TGM1: variants seen among roughly 807,000 people sequenced by gnomAD.
TGM1 encodes transglutaminase 1, also known as protein-glutamine gamma-glutamyltransferase K.
TGM1 carries 63 observed loss-of-function variants against 88.7 expected under a neutral mutation model. The ratio of observed to expected loss-of-function variants is 0.71; its 90% CI spans 0.58 to 0.88. The LOEUF (loss-of-function observed/expected upper bound fraction) is 0.88, where lower values mean the gene tolerates loss of function less well. TGM1 is among the 40% of genes least tolerant of loss of function. TGM1 has a pLI of 0.00. For missense variants in TGM1, 996 were observed against 1,118.0 expected, an observed-to-expected ratio of 0.89 and a Z score of 1.56; for synonymous variants, 415 against 431.1, an observed-to-expected ratio of 0.96 and a Z score of 0.46.
rs2040778087 is a variant in TGM1, at chr14:24,258,613, G to A, written c.1220C>T (p.Thr407Ile). Residue 407 changes from threonine to isoleucine, a missense_variant, in exon 8 of 15, where the codon ACA becomes ATA. By Grantham distance (89) the Thr-to-Ile change is moderately conservative. Transcript: ENST00000206765. ...GATGTCCATGGTAAGGGATGTGTCT[G>A]TGTCGTGGGCGGAGTTGAAGTTGGT... ...TVTNFNSAHD[T>I]DTSLTMDIYF... is the part of the protein sequence containing the mutation. 6.2e-7 allele frequency: 1 copy of A among 1,614,218 alleles called. No individual in the cohort carries two copies. Among genetic ancestry groups the A allele is most frequent in the Non-Finnish European group, 8.5e-7 (1 of 1,180,034 alleles).
rs1270631760 is a variant in TGM1, at chr14:24,262,079, A to T, written c.274T>A (p.Ser92Thr). ...SRGSDSRRPV[S>T]RGSGVNAAGD... ...GCTGCATTGACACCGCTGCCCCGGG[A>T]TACAGGCCGGCGGGAGTCTGAGCCC... The change falls in exon 2 of 15, where the codon TCC becomes ACC. Residue 92 changes from serine to threonine, a missense_variant. Ser to Thr is a moderately conservative substitution (Grantham distance 58, BLOSUM62 1). Coordinates refer to ENST00000206765, the MANE Select transcript of TGM1 (RefSeq NM_000359.3). The T allele has an allele frequency of 1.2e-6, 2 of 1,613,624 alleles. No individual in the cohort carries two copies. The highest frequency in any genetic ancestry group is 1.1e-5 in the South Asian group (1 of 91,072).
intron 14 of TGM1, among the ~76,000 whole-genome samples, chr14:24,253,091 AAAAC>A (rs779276375): frequency 1.3e-5 from 2 of 152,220 alleles, no homozygotes; most frequent in Non-Finnish European, 1.5e-5. Context: ...CTCATGGCAC[AAAAC>A]AAACAATGAG....
chr14:24,262,055 C>A lies in TGM1; in HGVS notation c.298G>T (p.Ala100Ser). 6.2e-7 allele frequency: 1 copy of A among 1,613,686 alleles called. No individual in the cohort carries two copies. The highest frequency in any genetic ancestry group is 8.5e-7 in the Non-Finnish European group (1 of 1,180,046). ...TCACCTCGGATGGTGCCATCTCCAG[C>A]TGCATTGACACCGCTGCCCCGGGAT... is the stretch of plus-strand genomic sequence containing the variant. The part of the protein sequence containing the change: ...PVSRGSGVNA[A>S]GDGTIREGML... Residue 100 changes from alanine to serine, a missense_variant, in exon 2 of 15, where the codon GCT (alanine) becomes TCT (serine). Coordinates refer to ENST00000206765, the MANE Select transcript of TGM1 (RefSeq NM_000359.3).
rs2040776917 is a variant in TGM1, at chr14:24,258,521, C to A, written c.1298+14G>T. ...CCATTCTTCAGCACAGATGGGCAGT[C>A]CACCCCAGCTCACCAGACAGAATCA... On this transcript the variant is annotated intron_variant, in intron 8 of 14. Coordinates refer to ENST00000206765, the MANE Select transcript of TGM1 (RefSeq NM_000359.3). 6.2e-7 allele frequency: 1 copy of A among 1,612,258 alleles called. No homozygotes were observed. Among genetic ancestry groups the A allele is most frequent in the Non-Finnish European group, 8.5e-7 (1 of 1,179,212 alleles).
chr14:24,250,619 T>C (rs912723452), intron 14 of TGM1, among the ~76,000 whole-genome samples: 2 of 152,192 alleles, frequency 1.3e-5, no homozygotes, highest in East Asian at 1.9e-4. Flanking sequence ...CTCCCCACCC[T>C]GGGTGTCCTT....
At position 24,256,713 on chromosome 14, in the gene TGM1, T is replaced by C. The variant is rs537697132; in HGVS notation, c.1403-636A>G. 6.6e-5 allele frequency among the ~76,000 whole-genome samples: 10 copies of C among 152,164 alleles called. No homozygotes were observed. In the South Asian group the frequency reaches 1.0e-3, roughly 16 times the overall value. On this transcript the variant is annotated intron_variant, in intron 9 of 14. Coordinates refer to ENST00000206765, the MANE Select transcript of TGM1 (RefSeq NM_000359.3). ...AAGAGAGGACAGAGTGGTAAGTGAG[T>C]ACCATCCAACCGGAAAGAATCTTAG...
Position 24,260,483 on chromosome 14 carries a change from C to T in TGM1, c.724G>A (p.Glu242Lys), listed in dbSNP as rs201572824. ...CAGGGGTTGAAGAGGATGTAGATCT[C>T]ATTGCGGGGGTCAAAGGGCAACTGG... The part of the protein sequence containing the change: ...EFQLPFDPRN[E>K]IYILFNPWCP... Residue 242 changes from glutamate to lysine, a missense_variant, in exon 4 of 15, where the codon GAG becomes AAG. Physicochemically the swap from Glu to Lys is moderately conservative, Grantham distance 56. Transcript: ENST00000206765. 3.1e-6 allele frequency: 5 copies of T among 1,614,142 alleles called. No homozygotes were observed. Among genetic ancestry groups the T allele is most frequent in the Non-Finnish European group, 2.5e-6 (3 of 1,180,010 alleles).
rs121918730 is a variant in TGM1 at position 24,259,950 on chromosome 14, T to C, written c.866A>G (p.Asn289Ser). Residue 289 changes from asparagine (N) to serine (S), a missense_variant, in exon 5 of 15, where the codon AAC (asparagine) becomes AGC (serine). Transcript: ENST00000206765. This position sits in a 1 kb window ranked among gnomAD's most constrained non-coding sequence, Gnocchi z 5.7. ...TEAQIGERTW[N>S]YGQFDHGVLD... ...CCAGCCGCACCATACCTGGCCGTAG[T>C]TCCAGGTCCGCTCACCAATCTGTGC... The C allele has an allele frequency of 2.5e-6, 4 of 1,614,064 alleles. No individual in the cohort carries two copies. The highest frequency in any genetic ancestry group is 3.4e-6 in the Non-Finnish European group (4 of 1,179,930).
chr14:24,259,137 A>G lies in TGM1; in HGVS notation c.1097T>C (p.Leu366Pro). The G allele has an allele frequency of 6.2e-7, 1 of 1,614,174 alleles. No homozygotes were observed. Among genetic ancestry groups the G allele is most frequent in the Non-Finnish European group, 8.5e-7 (1 of 1,180,006 alleles). ...VGSVEILLSY[L>P]RTGYSVPYGQ... The stretch of plus-strand genomic sequence containing the variant: ...ATAGGGGACGGAATATCCCGTGCGT[A>G]GGTAGCTAAGCAGGATCTCCACGCT... The change falls in exon 7 of 15, where the codon CTA (leucine) becomes CCA (proline). Residue 366 changes from leucine to proline, a missense_variant. Physicochemically the swap from Leu to Pro is moderately conservative, Grantham distance 98. Coordinates refer to ENST00000206765, the MANE Select transcript of TGM1 (RefSeq NM_000359.3). The surrounding 1 kb of genome is among the most constrained non-coding windows in gnomAD (Gnocchi z 5.7).
rs767948114 is a variant in TGM1 at position 24,262,290 on chromosome 14, G to C, written c.63C>G (p.Thr21=). The change falls in exon 2 of 15, where the codon ACC becomes ACG. Residue 21 remains threonine, a synonymous_variant. Coordinates refer to ENST00000206765, the MANE Select transcript of TGM1 (RefSeq NM_000359.3). ...RWGGNPLQPP[T]TPSPEPEPEP... Reference sequence around the variant, plus strand: ...CTGGCTCTGGCTCTGGAGATGGCGTGGTAGGGGGCTGCAAGGGGTTGCCAC... The same window carrying C: ...CTGGCTCTGGCTCTGGAGATGGCGTCGTAGGGGGCTGCAAGGGGTTGCCAC... 6.2e-7 allele frequency: 1 copy of C among 1,613,688 alleles called. No homozygotes were observed. The highest frequency in any genetic ancestry group is 1.7e-5 in the Admixed American group (1 of 60,034).
In TGM1 at chr14:24,261,801, A is replaced by C; in HGVS notation, c.402T>G (p.Tyr134Ter). 1 of 1,614,100 alleles carries C rather than the reference A, an allele frequency of 6.2e-7. No individual in the cohort carries two copies. The highest frequency in any genetic ancestry group is 8.5e-7 in the Non-Finnish European group (1 of 1,180,004). The change falls in exon 3 of 15, where the codon TAT (tyrosine) becomes TAG (stop). Residue 134 changes from tyrosine to a stop codon, truncating the protein, a stop_gained. Coordinates refer to ENST00000206765, the MANE Select transcript of TGM1 (RefSeq NM_000359.3). LOFTEE classifies it high-confidence loss of function. ...GGCGCACTATCAGCTCGTCGTACTC[A>C]TACTCGTCTGTGTGGTGCTCTCGGC... ...QNRREHHTDE[Y>*]EYDELIVRRG...
At chr14:24,258,811 A>T (rs1566378705) in intron 7 of TGM1, 138 bp from the exon 8 acceptor site, 3 of 1,350,880 alleles carry the variant, frequency 2.2e-6, no homozygotes, top group Non-Finnish European at 3.0e-6. Context: ...CACGGGGGCC[A>T]CAAGGCCTTT....
intron 14 of TGM1, among the ~76,000 whole-genome samples, chr14:24,250,051 C>A (rs1317979347): frequency 1.3e-5 from 2 of 152,042 alleles, no homozygotes; most frequent in South Asian, 2.1e-4. Context: ...TTTTCACACA[C>A]CAAAACATTA....
chr14:24,262,674 C>T (rs2040824682), intron 1 of TGM1, among the ~76,000 whole-genome samples: 1 of 152,234 alleles, frequency 6.6e-6, no homozygotes, highest in African/African-American at 2.4e-5. Flanking sequence ...TTGTCCCAGC[C>T]TCAAGACCCA....
intron 14 of TGM1, among the ~76,000 whole-genome samples, chr14:24,250,177 T>TGAGAGAGA (rs1238073181): frequency 9.3e-5 from 2 of 21,482 alleles, no homozygotes; most frequent in South Asian, 1.4e-3. Flanking sequence ...TGTGTGTGTG[T>TGAGAGAGA]GTGAGAGAGA....
At position 24,255,963 on chromosome 14, in the gene TGM1, G is replaced by A. The variant is rs2040747181; in HGVS notation, c.1491+26C>T. The stretch of plus-strand genomic sequence containing the variant: ...CAGAGAACCCATGACTGAAGCCCAA[G>A]AAGGCACCTGGAGCCCAGCCCTCAC... On this transcript the variant is annotated intron_variant, in intron 10 of 14. Transcript: ENST00000206765. This position sits in a 1 kb window ranked among gnomAD's most constrained non-coding sequence, Gnocchi z 4.0. 9.7e-6 allele frequency: 15 copies of A among 1,543,994 alleles called. No homozygotes were observed. The highest frequency in any genetic ancestry group is 1.3e-5 in the Non-Finnish European group (15 of 1,139,410).
rs1046059838 is a variant in TGM1, at chr14:24,259,850, C to T, written c.877-39G>A. 2 of 1,610,674 alleles carry T rather than the reference C, an allele frequency of 1.2e-6. No homozygotes were observed. Among genetic ancestry groups the T allele is most frequent in the South Asian group, 2.2e-5 (2 of 90,962 alleles). ...TGGAGGGCAGAGGTGACAGCCTGAA[C>T]CCTAGGCCAGCACCCTGCTCCAATA... On this transcript the variant is annotated intron_variant, in intron 5 of 14. Coordinates refer to ENST00000206765, the MANE Select transcript of TGM1 (RefSeq NM_000359.3). This position sits in a 1 kb window ranked among gnomAD's most constrained non-coding sequence, Gnocchi z 5.7.
At chr14:24,253,530 T>G (rs1015145751) in intron 14 of TGM1, among the ~76,000 whole-genome samples, 6 of 151,798 alleles carry the variant, frequency 4.0e-5, no homozygotes, top group African/African-American at 1.5e-4. Context: ...CAGGCTGGAG[T>G]GCAGTGGCAC....
chr14:24,259,659 A>G lies in TGM1; in HGVS notation c.984+45T>C. On this transcript the variant is annotated intron_variant, in intron 6 of 14. Transcript: ENST00000206765. The surrounding 1 kb of genome is among the most constrained non-coding windows in gnomAD (Gnocchi z 5.7). ...GAGGAGGGTGGGGGTGTGGCGAGGC[A>G]GCAGGCACACACACAGTAGGACTCA... is the stretch of plus-strand genomic sequence containing the variant. The G allele has an allele frequency of 2.0e-6, 3 of 1,513,086 alleles. No homozygotes were observed. The highest frequency in any genetic ancestry group is 2.7e-6 in the Non-Finnish European group (3 of 1,100,826). The allele number at this position is 1,513,086 out of a possible 1,614,324, so 93.7% of individuals were successfully genotyped here.
Sources: gnomAD v4.1 joint callset for allele counts (sites outside exome capture counted in the v4.1 genomes callset) on GRCh38, gnomAD v4.1.1 for gene constraint, Gnocchi (gnomAD v3.1) non-coding constraint, MANE v1.5 for transcripts, NCBI Gene and HGNC (gene_info 2026-07-23, HGNC 2026-07-21) for gene names.